RBFOX2: variants seen among roughly 807,000 people sequenced by gnomAD.
RBFOX2 encodes the protein RNA binding protein fox-1 homolog 2.
In RBFOX2, 10 loss-of-function variants were observed where a neutral mutation model predicts 49.1. That is an observed-to-expected ratio of 0.20 (90% CI 0.13 to 0.35). RBFOX2 has a LOEUF of 0.35. RBFOX2 is among the 10% of genes least tolerant of loss of function. The probability of loss-of-function intolerance (pLI) is 1.00; values close to 1 mark genes in which losing one functional copy is unlikely to be tolerated. For missense variants in RBFOX2, 323 were observed against 486.9 expected, an observed-to-expected ratio of 0.66 and a Z score of 3.17; for synonymous variants, 183 against 187.4, an observed-to-expected ratio of 0.98 and a Z score of 0.19.
At chr22:35,835,089 A>G (rs1957415249) in intron 1 of RBFOX2, among the ~76,000 whole-genome samples, 2 of 152,212 alleles carry the variant, frequency 1.3e-5, no homozygotes. Context: ...CAATCAAAAG[A>G]GCAAAGTATT....
intron 1 of RBFOX2, among the ~76,000 whole-genome samples, chr22:35,814,619 G>C (rs1261780031): frequency 7.0e-6 from 1 of 143,296 alleles, no homozygotes; most frequent in Admixed American, 7.3e-5. Flanking sequence ...GCTGAGACAA[G>C]AGGATCACTT....
At chr22:35,983,687 A>G (rs2057570019) in intron 1 of RBFOX2, among the ~76,000 whole-genome samples, 1 of 152,202 alleles carries the variant, frequency 6.6e-6, no homozygotes, top group Non-Finnish European at 1.5e-5. Context: ...CCTGTATCTA[A>G]TTTGTCTCCA....
At chr22:35,743,699 G>C (rs1005831333) in exon 12 of RBFOX2, 12 of 152,638 alleles carry the variant, frequency 7.9e-5, no homozygotes, top group African/African-American at 2.4e-4. Flanking sequence ...AGAATTGCCT[G>C]TCAAAGACCA....
At chr22:35,977,722 C>A (rs1490307330) in intron 1 of RBFOX2, among the ~76,000 whole-genome samples, 3 of 80,876 alleles carry the variant, frequency 3.7e-5, no homozygotes, top group Non-Finnish European at 4.8e-5. Flanking sequence ...CCTGAATGAA[C>A]TATATATATA....
At chr22:35,754,734 T>C (rs186761922) in intron 9 of RBFOX2, among the ~76,000 whole-genome samples, 7 of 152,304 alleles carry the variant, frequency 4.6e-5, no homozygotes, top group Non-Finnish European at 5.9e-5. Flanking sequence ...TGAAAATATT[T>C]TGAGGAAAGA....
chr22:35,967,005 G>A (rs1376435940), intron 1 of RBFOX2, among the ~76,000 whole-genome samples: 1 of 151,724 alleles, frequency 6.6e-6, no homozygotes, highest in Non-Finnish European at 1.5e-5. Flanking sequence ...AAATTGTAGA[G>A]ATGAGGTCTT....
At chr22:36,025,557 T>C (rs1402823378) in intron 1 of RBFOX2, among the ~76,000 whole-genome samples, 1 of 152,218 alleles carries the variant, frequency 6.6e-6, no homozygotes, top group East Asian at 1.9e-4. Context: ...GCCTGGGATG[T>C]AGCAGCTGCT....
chr22:35,960,944 G>T (rs754074699), intron 1 of RBFOX2, among the ~76,000 whole-genome samples: 1 of 151,614 alleles, frequency 6.6e-6, no homozygotes, highest in Non-Finnish European at 1.5e-5. Flanking sequence ...GGATGCACAG[G>T]TTCTGTTATA....
chr22:35,846,524 A>G (rs1337333894), intron 1 of RBFOX2, among the ~76,000 whole-genome samples: 1 of 151,856 alleles, frequency 6.6e-6, no homozygotes, highest in Non-Finnish European at 1.5e-5. Flanking sequence ...GAGGAGGTGG[A>G]TCACCCGAGG....
At chr22:35,961,797 T>C, upstream of RBFOX2, 4 of 1,085,242 alleles carry the variant, frequency 3.7e-6, no homozygotes, top group Non-Finnish European at 4.7e-6. Context: ...CTGAGCTAAA[T>C]TTAGCTACTT....
chr22:35,820,164 T>TA (rs1954144698), intron 1 of RBFOX2, among the ~76,000 whole-genome samples: 2 of 151,766 alleles, frequency 1.3e-5, no homozygotes, highest in Non-Finnish European at 2.9e-5. Context: ...TGCAGGGAGG[T>TA]TAGCTTTTAC....
chr22:35,985,414 C>T (rs2057661490), intron 1 of RBFOX2, among the ~76,000 whole-genome samples: 1 of 152,124 alleles, frequency 6.6e-6, no homozygotes, highest in African/African-American at 2.4e-5. Flanking sequence ...CAGGTAGAGA[C>T]TGTGCAATAC....
rs1425644120 is a variant in RBFOX2 at position 35,768,157 on chromosome 22, G to C, written c.546+100C>G. On this transcript the variant is annotated intron_variant, in intron 5 of 11. Transcript: ENST00000405409. ...TACAAACACACATACATGTGCACACGCACACATAAGACAGGGTTCCAAATG... is the reference window on the plus strand; with the variant it reads ...TACAAACACACATACATGTGCACACCCACACATAAGACAGGGTTCCAAATG... 8 of 1,265,068 alleles carry C rather than the reference G, an allele frequency of 6.3e-6. No individual in the cohort carries two copies. The Admixed American group carries it at 1.4e-4, about 23-fold the overall frequency. 78.4% of individuals were successfully genotyped at this position (1,265,068 alleles called of 1,614,324 possible).
chr22:35,851,417 TCA>T (rs2041919314), intron 1 of RBFOX2, among the ~76,000 whole-genome samples: 1 of 152,186 alleles, frequency 6.6e-6, no homozygotes, highest in Admixed American at 6.5e-5. Flanking sequence ...GTCAATGAAT[TCA>T]CAGTTTATGG....
At chr22:36,007,968 C>G (rs2058680455) in intron 1 of RBFOX2, among the ~76,000 whole-genome samples, 1 of 152,038 alleles carries the variant, frequency 6.6e-6, no homozygotes, top group African/African-American at 2.4e-5. Context: ...CAACCTTCTG[C>G]TACTTCAAAT....
chr22:35,927,347 A>C (rs1196125561), intron 1 of RBFOX2, among the ~76,000 whole-genome samples: 1 of 152,170 alleles, frequency 6.6e-6, no homozygotes, highest in Non-Finnish European at 1.5e-5. Context: ...GCTCACGCCT[A>C]TAATCCCAGC....
At chr22:35,839,355 T>C (rs1483820271) in intron 1 of RBFOX2, among the ~76,000 whole-genome samples, 1 of 148,288 alleles carries the variant, frequency 6.7e-6, no homozygotes, top group Non-Finnish European at 1.5e-5. Flanking sequence ...GATTAGATAT[T>C]GCCTGGCATA....
chr22:35,822,123 G>A (rs1438936621), intron 1 of RBFOX2, among the ~76,000 whole-genome samples: 1 of 152,178 alleles, frequency 6.6e-6, no homozygotes, highest in Non-Finnish European at 1.5e-5. Context: ...TAGTGGGTAA[G>A]GTTTTTGTTT....
At chr22:35,756,630 GT>G (rs1158721565) in intron 9 of RBFOX2, among the ~76,000 whole-genome samples, 1 of 152,074 alleles carries the variant, frequency 6.6e-6, no homozygotes, top group Non-Finnish European at 1.5e-5. Flanking sequence ...TGCAAAGTAT[GT>G]TTTTACATTA....
Sources: gnomAD v4.1 joint callset for allele counts (sites outside exome capture counted in the v4.1 genomes callset) on GRCh38, gnomAD v4.1.1 for gene constraint, MANE v1.5 for transcripts, NCBI Gene and HGNC (gene_info 2026-07-23, HGNC 2026-07-21) for gene names.